ABI2: variants seen among roughly 807,000 people sequenced by gnomAD.
ABI2 encodes abl interactor 2.
A neutral mutation model predicts 59.2 loss-of-function variants in ABI2; 25 were observed. The ratio of observed to expected loss-of-function variants is 0.42; its 90% CI spans 0.31 to 0.59. The LOEUF (loss-of-function observed/expected upper bound fraction) is 0.59. ABI2 is among the 20% of genes least tolerant of loss of function. The pLI, the probability that ABI2 is intolerant of heterozygous loss-of-function variation, is 0.14. For missense variants in ABI2, 545 were observed against 681.8 expected, an observed-to-expected ratio of 0.80 and a Z score of 2.23; for synonymous variants, 213 against 235.5, an observed-to-expected ratio of 0.90 and a Z score of 0.87.
intron 4 of ABI2, 118 bp from the exon 5 acceptor site, chr2:203,390,928 A>G: frequency 1.3e-6 from 1 of 752,952 alleles, no homozygotes. Context: ...ATGGCCTCTA[A>G]TTTTTTTCCC....
chr2:203,408,150 C>G lies in ABI2; in HGVS notation c.1193-3135C>G, dbSNP rs543256582. 9.1e-5 allele frequency among the ~76,000 whole-genome samples: 13 copies of G among 143,076 alleles called. No individual in the cohort carries two copies. In the South Asian group the frequency reaches 1.9e-3, roughly 21 times the overall value. 93.9% of individuals were successfully genotyped at this position (143,076 alleles called of 152,430 possible). On this transcript the variant is annotated intron_variant, in intron 9 of 11. Coordinates refer to ENST00000261018, the MANE Select transcript of ABI2 (RefSeq NM_001375670.1). The stretch of plus-strand genomic sequence containing the variant: ...AGGAAGAACTGCGATTGATCTTTCC[C>G]TGGCTGCTGGTGGACTTTTTTTTTT...
chr2:203,400,971 A>G (rs1041505842), intron 8 of ABI2, among the ~76,000 whole-genome samples: 10 of 152,200 alleles, frequency 6.6e-5, no homozygotes, highest in African/African-American at 2.4e-4. Context: ...ATCAAATTCC[A>G]TATTACATAA....
chr2:203,345,394 C>T (rs1049940504), intron 1 of ABI2, among the ~76,000 whole-genome samples: 1 of 152,170 alleles, frequency 6.6e-6, no homozygotes, highest in Non-Finnish European at 1.5e-5. Context: ...AGAACTGTAA[C>T]ATTCACGGCG....
At chr2:203,384,728 A>T (rs1425689586) in intron 4 of ABI2, among the ~76,000 whole-genome samples, 1 of 152,176 alleles carries the variant, frequency 6.6e-6, no homozygotes, top group Non-Finnish European at 1.5e-5. Context: ...GCTAAACTTA[A>T]GTATTTTTAA....
At chr2:203,415,684 A>G (rs916724932) in intron 10 of ABI2, among the ~76,000 whole-genome samples, 1 of 152,072 alleles carries the variant, frequency 6.6e-6, no homozygotes, top group African/African-American at 2.4e-5. Context: ...AAAAAATACT[A>G]AATAAATTGG....
chr2:203,368,163 C>G (rs556388521), intron 2 of ABI2, among the ~76,000 whole-genome samples: 2 of 151,886 alleles, frequency 1.3e-5, no homozygotes, highest in Admixed American at 6.6e-5. Context: ...CATAATGTTG[C>G]GTGTATATGT....
intron 9 of ABI2, among the ~76,000 whole-genome samples, chr2:203,404,106 T>A (rs568981291): frequency 6.6e-6 from 1 of 152,274 alleles, no homozygotes; most frequent in African/African-American, 2.4e-5. Flanking sequence ...AATTTTTCTC[T>A]TATCCTCCCA....
At chr2:203,350,683 G>A (rs543230900) in intron 1 of ABI2, among the ~76,000 whole-genome samples, 20 of 151,724 alleles carry the variant, frequency 1.3e-4, no homozygotes, top group Middle Eastern at 3.4e-3. Flanking sequence ...GGGATTACGG[G>A]TGCCCGCCAC....
chr2:203,417,124 T>C lies in ABI2; in HGVS notation c.1453+43T>C, dbSNP rs372891406. 8 of 1,485,522 alleles carry C rather than the reference T, an allele frequency of 5.4e-6. No individual in the cohort carries two copies. The African/African-American group carries it at 9.9e-5, about 18-fold the overall frequency. The allele number at this position is 1,485,522 out of a possible 1,614,324, so 92.0% of individuals were successfully genotyped here. A position where few individuals can be genotyped will look rare whatever the true frequency, so the allele number is the denominator to read the frequency against. ...ATCTGGATAGATGGGAAGAAACCTC[T>C]ACATAGAAATGAAATTTGCGGTACT... On this transcript the variant is annotated intron_variant, in intron 11 of 11. Transcript: ENST00000261018.
chr2:203,420,901 G>A (rs991296907), intron 11 of ABI2, among the ~76,000 whole-genome samples: 1 of 148,428 alleles, frequency 6.7e-6, no homozygotes, highest in Admixed American at 6.7e-5. Flanking sequence ...CCAAGCTGAG[G>A]GAATCACGTG....
At chr2:203,414,624 C>T (rs921420264) in intron 10 of ABI2, among the ~76,000 whole-genome samples, 1 of 152,200 alleles carries the variant, frequency 6.6e-6, no homozygotes, top group African/African-American at 2.4e-5. Context: ...ATGACTTTTG[C>T]CTACTGCCCT....
intron 1 of ABI2, among the ~76,000 whole-genome samples, chr2:203,359,832 A>G (rs1183559301): frequency 1.0e-5 from 1 of 100,252 alleles, no homozygotes; most frequent in African/African-American, 3.3e-5. Context: ...TTAGGTTCCA[A>G]CATGTACATT....
intron 1 of ABI2, among the ~76,000 whole-genome samples, chr2:203,341,371 A>C (rs1229686304): frequency 6.6e-6 from 1 of 152,170 alleles, no homozygotes; most frequent in Non-Finnish European, 1.5e-5. Context: ...TAAATGAGCG[A>C]ATTAGATCTT....
intron 8 of ABI2, among the ~76,000 whole-genome samples, chr2:203,400,606 G>A (rs936673081): frequency 2.0e-5 from 3 of 152,090 alleles, no homozygotes; most frequent in Admixed American, 1.3e-4. Flanking sequence ...GTTGATAGTG[G>A]ATTATGTTTA....
chr2:203,379,536 G>A (rs567835176), intron 2 of ABI2, among the ~76,000 whole-genome samples: 1 of 152,220 alleles, frequency 6.6e-6, no homozygotes, highest in South Asian at 2.1e-4. Flanking sequence ...ACTGTGCCTG[G>A]CTTTATTTTT....
intron 1 of ABI2, among the ~76,000 whole-genome samples, chr2:203,339,669 G>C (rs2078761844): frequency 6.6e-6 from 1 of 151,930 alleles, no homozygotes; most frequent in Non-Finnish European, 1.5e-5. Flanking sequence ...CCACTTCTGG[G>C]TATATATCCC....
At chr2:203,380,777 G>C (rs9917202) in intron 3 of ABI2, among the ~76,000 whole-genome samples, 112,226 of 152,092 alleles carry the variant, frequency 0.74, 42,507 homozygotes, top group Middle Eastern at 0.87. Context: ...TCAAAAACAA[G>C]ATATATTAAT....
At chr2:203,352,576 A>G (rs1242444333) in intron 1 of ABI2, among the ~76,000 whole-genome samples, 1 of 152,190 alleles carries the variant, frequency 6.6e-6, no homozygotes, top group Non-Finnish European at 1.5e-5. Flanking sequence ...AAAGAAAAAA[A>G]AAATAGAGAA....
rs1357047166 is a variant in ABI2, at chr2:203,391,124, T to G, written c.559T>G (p.Ser187Ala). The change falls in exon 5 of 12, where the codon TCA becomes GCA. Residue 187 changes from serine to alanine, a missense_variant. This residue lies in a region of ABI2 where 410 missense variants were observed against 435.6 expected (regional missense o/e 0.94). Coordinates refer to ENST00000261018, the MANE Select transcript of ABI2 (RefSeq NM_001375670.1). ...PTQKPPSPPM[S>A]GKGTLGRHSP... ...TCAGAAGCCCCCTAGTCCCCCTATG[T>G]CAGGGAAAGGGACACTTGGGTGAGT... 2 of 1,613,142 alleles carry G rather than the reference T, an allele frequency of 1.2e-6. No individual in the cohort carries two copies. The highest frequency in any genetic ancestry group is 8.5e-7 in the Non-Finnish European group (1 of 1,179,560).
Sources: allele counts gnomAD v4.1 joint callset (sites outside exome capture counted in the v4.1 genomes callset), GRCh38; gene constraint gnomAD v4.1.1; regional missense constraint gnomAD v4.1.1; transcripts MANE v1.5; gene names NCBI Gene and HGNC (gene_info 2026-07-23, HGNC 2026-07-21).